Variants in SLC12A3 observed in about 807,000 individuals in gnomAD.
SLC12A3 encodes Na-Cl cotransporter.
SLC12A3 carries 104 observed loss-of-function variants against 121.0 expected under a neutral mutation model. The ratio of observed to expected loss-of-function variants is 0.86; its 90% CI spans 0.73 to 1.01. SLC12A3 has a LOEUF of 1.01. Ranked by LOEUF, SLC12A3 falls within the 50% of genes least tolerant of loss-of-function variation. The pLI, the probability that SLC12A3 is intolerant of heterozygous loss-of-function variation, is 0.00. For missense variants in SLC12A3, 1,328 were observed against 1,356.3 expected (o/e 0.98, Z 0.33); for synonymous variants, 536 against 533.4 (o/e 1.00, Z -0.07).
Position 56,870,532 on chromosome 16 carries a change from T to G in SLC12A3, c.742-94T>G. 3 of 872,134 alleles carry G rather than the reference T, an allele frequency of 3.4e-6. No individual in the cohort carries two copies. The South Asian group carries it at 4.0e-5, about 12-fold the overall frequency. The allele number at this position is 872,134 out of a possible 1,614,324, so 54.0% of individuals were successfully genotyped here. On this transcript the variant is annotated intron_variant, in intron 5 of 25. Coordinates refer to ENST00000563236, the MANE Select transcript of SLC12A3 (RefSeq NM_001126108.2). The stretch of plus-strand genomic sequence containing the variant: ...TTGAGTTAACATCGTCCTAGCAGAG[T>G]GCACCGCACAGGAGGTGCCTCCTAG...
intron 5 of SLC12A3, 54 bp downstream of exon 5, chr16:56,870,289 TCTC>T (rs1277731309): frequency 5.7e-6 from 9 of 1,580,800 alleles, no homozygotes. Context: ...CCCATTGCAC[TCTC>T]CTCCGCCCCA....
At chr16:56,893,563 A>G (rs1361936494) in intron 21 of SLC12A3, among the ~76,000 whole-genome samples, 4 of 152,208 alleles carry the variant, frequency 2.6e-5, no homozygotes, top group African/African-American at 9.7e-5. Context: ...TCCAGTCCCC[A>G]GGTAGGAGCT....
chr16:56,869,516 C>T (rs901303165), intron 3 of SLC12A3, among the ~76,000 whole-genome samples: 4 of 152,068 alleles, frequency 2.6e-5, no homozygotes, highest in East Asian at 1.9e-4. Context: ...TTAGTAGAGA[C>T]GGGGTTTCAC....
Position 56,915,799 on chromosome 16 carries a change from G to A in SLC12A3, c.*2394G>A, listed in dbSNP as rs1356234189. Reference sequence around the variant, plus strand: ...TAAAAAAATAAAAAGCTTTAACAGCGAGGCCATAAACAATGAAATGAATAA... The same window carrying A: ...TAAAAAAATAAAAAGCTTTAACAGCAAGGCCATAAACAATGAAATGAATAA... On this transcript the variant is annotated 3_prime_UTR_variant, in exon 26 of 26. Coordinates refer to ENST00000563236, the MANE Select transcript of SLC12A3 (RefSeq NM_001126108.2). 2 of 152,142 alleles carry A rather than the reference G, an allele frequency of 1.3e-5. No homozygotes were observed. Among genetic ancestry groups the A allele is most frequent in the African/African-American group, 2.4e-5 (1 of 41,422 alleles). 9.4% of individuals were successfully genotyped at this position (152,142 alleles called of 1,614,324 possible). A position where few individuals can be genotyped will look rare whatever the true frequency, so the allele number is the denominator to read the frequency against.
chr16:56,865,864 C>T (rs1964341467), intron 1 of SLC12A3, among the ~76,000 whole-genome samples: 1 of 152,174 alleles, frequency 6.6e-6, no homozygotes. Context: ...GGGTTTGCTG[C>T]CCGGGAGGCT....
At chr16:56,908,054 C>G (rs1231856034) in intron 25 of SLC12A3, among the ~76,000 whole-genome samples, 1 of 150,214 alleles carries the variant, frequency 6.7e-6, no homozygotes, top group Non-Finnish European at 1.5e-5. Flanking sequence ...CATTGTCAGT[C>G]TGCCCCTGGG....
In SLC12A3 at chr16:56,882,429, A is replaced by G. The variant is rs780433336; in HGVS notation, c.1601A>G (p.Asn534Ser). 2.9e-5 allele frequency: 46 copies of G among 1,613,774 alleles called. No homozygotes were observed. Among genetic ancestry groups the G allele is most frequent in the Non-Finnish European group, 3.8e-5 (45 of 1,179,962 alleles). Residue 534 changes from asparagine (N) to serine (S), a missense_variant, in exon 13 of 26, where the codon AAC becomes AGC. Asn to Ser is a conservative substitution (Grantham distance 46, BLOSUM62 1). Transcript: ENST00000563236. ...ELNTIAPIIS[N>S]FFLCSYALIN... The stretch of plus-strand genomic sequence containing the variant: ...AACACCATAGCCCCCATCATTTCCA[A>G]CTTCTTCCTCTGCTCCTATGCCCTC...
At chr16:56,898,834 T>C (rs573351712) in intron 22 of SLC12A3, among the ~76,000 whole-genome samples, 10 of 152,350 alleles carry the variant, frequency 6.6e-5, no homozygotes, top group Non-Finnish European at 1.2e-4. Flanking sequence ...TTATTCAACT[T>C]TCCTATTCCT....
intron 8 of SLC12A3, among the ~76,000 whole-genome samples, chr16:56,877,337 A>G (rs1454436404): frequency 2.8e-4 from 42 of 152,212 alleles, no homozygotes; most frequent in African/African-American, 8.7e-4. Flanking sequence ...TGGAGGTTGC[A>G]GTGAGCCGAG....
At chr16:56,866,178 GTTTTGC>G (rs1964351437) in intron 1 of SLC12A3, among the ~76,000 whole-genome samples, 1 of 151,948 alleles carries the variant, frequency 6.6e-6, no homozygotes, top group Non-Finnish European at 1.5e-5. Flanking sequence ...TAGGGATGGG[GTTTTGC>G]CATATTGGCC....
intron 6 of SLC12A3, among the ~76,000 whole-genome samples, chr16:56,871,886 C>A (rs2055101835): frequency 1.3e-5 from 2 of 152,134 alleles, no homozygotes; most frequent in South Asian, 4.1e-4. Context: ...CCATGCCTGG[C>A]TAATTTTTGT....
rs927431127 is a variant in SLC12A3 at position 56,899,171 on chromosome 16, T to C, written c.2634-359T>C. Among the ~76,000 whole-genome samples, 58 of 152,250 alleles carry C rather than the reference T, an allele frequency of 3.8e-4. 1 individual carries two copies. Among genetic ancestry groups the C allele is most frequent in the African/African-American group, 2.4e-5 (1 of 41,476 alleles). ...CTTTGATCTATTTTCCTCACTGCTATGTAGTCAGTAGGTGCTCAGTGAAAA... is the reference window on the plus strand; with the variant it reads ...CTTTGATCTATTTTCCTCACTGCTACGTAGTCAGTAGGTGCTCAGTGAAAA... On this transcript the variant is annotated intron_variant, in intron 22 of 25. Coordinates refer to ENST00000563236, the MANE Select transcript of SLC12A3 (RefSeq NM_001126108.2).
At chr16:56,876,018 G>T (rs2055159777) in intron 8 of SLC12A3, among the ~76,000 whole-genome samples, 1 of 151,982 alleles carries the variant, frequency 6.6e-6, no homozygotes, top group South Asian at 2.1e-4. Flanking sequence ...CCGTTCAGGA[G>T]GCTAAAAGTC....
chr16:56,884,162 G>T lies in SLC12A3; in HGVS notation c.1783G>T (p.Val595Leu), dbSNP rs201432183. The change falls in exon 14 of 26, where the codon GTG (valine) becomes TTG (leucine). Residue 595 changes from valine to leucine, a missense_variant. Val to Leu is a conservative substitution (Grantham distance 32). Transcript: ENST00000563236. ...GTGGGCGGCCCTCATCGCCATTGGCGTGGTGCTCTTCCTCCTGCTCTATGT... is the reference window on the plus strand; with the variant it reads ...GTGGGCGGCCCTCATCGCCATTGGCTTGGTGCTCTTCCTCCTGCTCTATGT... ...TWWAALIAIG[V>L]VLFLLLYVIY... The T allele has an allele frequency of 6.2e-7, 1 of 1,614,184 alleles. No homozygotes were observed. The highest frequency in any genetic ancestry group is 8.5e-7 in the Non-Finnish European group (1 of 1,180,008).
chr16:56,872,497 G>A (rs1306623238), intron 7 of SLC12A3, 35 bp downstream of exon 7: 21 of 1,590,406 alleles, frequency 1.3e-5, no homozygotes, highest in Non-Finnish European at 1.8e-5. Context: ...CATGGCTCTG[G>A]GGACAGGGAC....
In SLC12A3 at chr16:56,913,471, C is replaced by G; in HGVS notation, c.*66C>G. On this transcript the variant is annotated 3_prime_UTR_variant, in exon 26 of 26. Coordinates refer to ENST00000563236, the MANE Select transcript of SLC12A3 (RefSeq NM_001126108.2). ...GGGATAAGTTGGAACTTGATTGCCT[C>G]TAGTCCACAGGGATGAGACTCATGT... 1 of 1,491,020 alleles carries G rather than the reference C, an allele frequency of 6.7e-7. No homozygotes were observed. The allele number at this position is 1,491,020 out of a possible 1,614,324, so 92.4% of individuals were successfully genotyped here. A position where few individuals can be genotyped will look rare whatever the true frequency, so the allele number is the denominator to read the frequency against.
intron 5 of SLC12A3, 108 bp from the exon 6 acceptor site, chr16:56,870,518 T>TC: frequency 1.2e-6 from 1 of 829,276 alleles, no homozygotes; most frequent in South Asian, 1.4e-5. Flanking sequence ...TGAGTTAACA[T>TC]CGTCCTAGCA....
chr16:56,895,587 T>TGGAG (rs2055451814), intron 22 of SLC12A3, among the ~76,000 whole-genome samples: 1 of 151,834 alleles, frequency 6.6e-6, no homozygotes, highest in East Asian at 1.9e-4. Flanking sequence ...AGAACACGCC[T>TGGAG]CCTCCTGAGA....
chr16:56,882,418 C>T lies in SLC12A3; in HGVS notation c.1590C>T (p.Pro530=). ...AAGCTGAGCTCAACACCATAGCCCCCATCATTTCCAACTTCTTCCTCTGCT... is the reference window on the plus strand; with the variant it reads ...AAGCTGAGCTCAACACCATAGCCCCTATCATTTCCAACTTCTTCCTCTGCT... ...IIIAELNTIA[P]IISNFFLCSY... is the part of the protein sequence containing the mutation. Residue 530 remains proline, a synonymous_variant, in exon 13 of 26, where the codon CCC becomes CCT. Transcript: ENST00000563236. 1 of 1,614,140 alleles carries T rather than the reference C, an allele frequency of 6.2e-7. No homozygotes were observed. The highest frequency in any genetic ancestry group is 8.5e-7 in the Non-Finnish European group (1 of 1,179,978).
Sources: gnomAD v4.1 joint callset for allele counts (sites outside exome capture counted in the v4.1 genomes callset) on GRCh38, gnomAD v4.1.1 for gene constraint, MANE v1.5 for transcripts, NCBI Gene and HGNC (gene_info 2026-07-23, HGNC 2026-07-21) for gene names.